TOX2: variants seen among roughly 807,000 people sequenced by gnomAD.
TOX2 encodes the protein TOX high mobility group box family member 2.
A neutral mutation model predicts 47.4 loss-of-function variants in TOX2; 15 were observed. The observed-to-expected ratio is 0.32, with a 90% CI of 0.21 to 0.49. The LOEUF (loss-of-function observed/expected upper bound fraction) is 0.49. TOX2 is among the 20% of genes least tolerant of loss of function. TOX2 has a pLI of 0.99. For missense variants in TOX2, 622 were observed against 673.1 expected (o/e 0.92, Z 0.84); for synonymous variants, 290 against 296.6 (o/e 0.98, Z 0.23).
chr20:44,044,730 A>G (rs548587874), intron 3 of TOX2, among the ~76,000 whole-genome samples: 4 of 152,298 alleles, frequency 2.6e-5, no homozygotes, highest in South Asian at 4.1e-4. Flanking sequence ...GTTTCTTAAA[A>G]ATTAAAAAAC....
chr20:44,030,343 C>T lies in TOX2; in HGVS notation c.412-20963C>T, dbSNP rs532179238. On this transcript the variant is annotated intron_variant, in intron 3 of 8. Transcript: ENST00000341197. ...AGATGGTGGCTATATCACCTCTCAG[C>T]TGGAAGTTGCCACCTACTCTTAGCA... 5.9e-5 allele frequency among the ~76,000 whole-genome samples: 9 copies of T among 152,334 alleles called. No individual in the cohort carries two copies. The South Asian group carries it at 8.3e-4, about 14-fold the overall frequency.
At chr20:44,001,009 A>G (rs908317261) in intron 2 of TOX2, among the ~76,000 whole-genome samples, 1 of 152,152 alleles carries the variant, frequency 6.6e-6, no homozygotes, top group Non-Finnish European at 1.5e-5. Context: ...GGATGAAAAC[A>G]TGATTGGAGT....
At chr20:44,028,155 C>T (rs2071093790) in intron 3 of TOX2, among the ~76,000 whole-genome samples, 1 of 152,140 alleles carries the variant, frequency 6.6e-6, no homozygotes, top group African/African-American at 2.4e-5. Context: ...CAGCAGGGAT[C>T]CTGATTTAGG....
chr20:43,970,000 C>T (rs979742132), intron 1 of TOX2, among the ~76,000 whole-genome samples: 2 of 152,218 alleles, frequency 1.3e-5, no homozygotes, highest in Admixed American at 1.3e-4. Context: ...ATTCCCACTG[C>T]TCTCTGTGGA....
At position 43,915,851 on chromosome 20, in the gene TOX2, A is replaced by G. The variant is rs1278631630; in HGVS notation, c.99+861A>G. Among the ~76,000 whole-genome samples the G allele has an allele frequency of 2.0e-5, 3 of 152,044 alleles. No homozygotes were observed. Among genetic ancestry groups the G allele is most frequent in the Non-Finnish European group, 4.4e-5 (3 of 67,974 alleles). ...GACACCCTCCCTCCTCCATGTTTCCAGGATCTATCCCCCCACCCCAGCCAG... is the reference window on the plus strand; with the variant it reads ...GACACCCTCCCTCCTCCATGTTTCCGGGATCTATCCCCCCACCCCAGCCAG... On this transcript the variant is annotated intron_variant, in intron 1 of 8. Coordinates refer to ENST00000341197, the MANE Select transcript of TOX2 (RefSeq NM_001098797.2). This position sits in a 1 kb window ranked among gnomAD's most constrained non-coding sequence, Gnocchi z 7.1.
chr20:43,971,365 G>A (rs1032384291), intron 1 of TOX2, among the ~76,000 whole-genome samples: 8 of 152,198 alleles, frequency 5.3e-5, no homozygotes, highest in Non-Finnish European at 1.0e-4. Flanking sequence ...AAGGCGGGGC[G>A]AGGGCGCGTC....
chr20:44,016,100 G>C (rs755135682), intron 3 of TOX2, among the ~76,000 whole-genome samples: 1 of 151,942 alleles, frequency 6.6e-6, no homozygotes, highest in Non-Finnish European at 1.5e-5. Flanking sequence ...AGAACCGTTT[G>C]CTCTGCAGTT....
chr20:43,972,205 C>T (rs576337398), intron 1 of TOX2, among the ~76,000 whole-genome samples: 2 of 152,276 alleles, frequency 1.3e-5, no homozygotes, highest in African/African-American at 4.8e-5. Flanking sequence ...AAGGTTATGT[C>T]TCCCCATGTC....
chr20:43,959,453 G>T (rs749181716), intron 1 of TOX2, among the ~76,000 whole-genome samples: 10 of 152,222 alleles, frequency 6.6e-5, no homozygotes, highest in Non-Finnish European at 1.3e-4. Context: ...TAGGTTTGGG[G>T]TTAGAGGCAT....
chr20:44,028,999 G>A (rs1442495236), intron 3 of TOX2, among the ~76,000 whole-genome samples: 1 of 152,146 alleles, frequency 6.6e-6, no homozygotes. Flanking sequence ...TGGACCCCCA[G>A]TGACTGCCAG....
intron 3 of TOX2, among the ~76,000 whole-genome samples, chr20:44,013,265 A>G (rs1430986041): frequency 6.6e-6 from 1 of 151,852 alleles, no homozygotes; most frequent in Non-Finnish European, 1.5e-5. Context: ...TGCTTGATAT[A>G]CCTCCTAACA....
intron 1 of TOX2, among the ~76,000 whole-genome samples, chr20:43,931,535 C>G (rs1432351838): frequency 6.6e-6 from 1 of 152,246 alleles, no homozygotes; most frequent in East Asian, 1.9e-4. Context: ...TCTGGCATCT[C>G]TGACACTGTG....
chr20:44,021,209 G>A (rs1015877779), intron 3 of TOX2, among the ~76,000 whole-genome samples: 1 of 152,116 alleles, frequency 6.6e-6, no homozygotes, highest in African/African-American at 2.4e-5. Flanking sequence ...TTATGGGGGA[G>A]AGGGGTGTGC....
chr20:43,953,644 A>G (rs2069618693), intron 1 of TOX2, among the ~76,000 whole-genome samples: 1 of 152,142 alleles, frequency 6.6e-6, no homozygotes, highest in South Asian at 2.1e-4. Flanking sequence ...GGAGTGGCTC[A>G]GTTGGCGGGA....
chr20:44,026,228 G>GATATAGATATATATATATAT (rs1555842272), intron 3 of TOX2, among the ~76,000 whole-genome samples: 1 of 60,244 alleles, frequency 1.7e-5, no homozygotes, highest in African/African-American at 9.6e-5. Flanking sequence ...AAGAAACTGT[G>GATATAGATATATATATATAT]ATATATATAT....
intron 2 of TOX2, among the ~76,000 whole-genome samples, chr20:43,985,391 C>T (rs2070246119): frequency 6.6e-6 from 1 of 152,162 alleles, no homozygotes. Context: ...TTTCAGCCCA[C>T]CAGGCATGAT....
At chr20:44,059,671 G>A (rs547220531) in intron 5 of TOX2, among the ~76,000 whole-genome samples, 3 of 152,230 alleles carry the variant, frequency 2.0e-5, no homozygotes, top group South Asian at 2.1e-4. Context: ...GCAAAACTAA[G>A]CTTCATTACA....
intron 3 of TOX2, among the ~76,000 whole-genome samples, chr20:44,023,158 G>GGGAA (rs996041215): frequency 6.6e-6 from 1 of 151,808 alleles, no homozygotes; most frequent in African/African-American, 2.4e-5. Flanking sequence ...AGGGACAGAA[G>GGGAA]GGAAGGAAGG....
intron 3 of TOX2, among the ~76,000 whole-genome samples, chr20:44,012,454 T>C (rs965935529): frequency 2.0e-4 from 30 of 152,210 alleles, no homozygotes; most frequent in African/African-American, 7.0e-4. Flanking sequence ...ACAGTAGCTA[T>C]AGATTCTGCT....
Sources: allele counts gnomAD v4.1 joint callset (sites outside exome capture counted in the v4.1 genomes callset), GRCh38; gene constraint gnomAD v4.1.1; non-coding constraint Gnocchi (gnomAD v3.1); transcripts MANE v1.5; gene names NCBI Gene and HGNC (gene_info 2026-07-23, HGNC 2026-07-21).